The following KDM4C variants were observed in gnomAD, a reference collection of about 807,000 sequenced individuals.
The protein encoded by KDM4C is lysine-specific demethylase 4C.
Under a neutral mutation model 129.3 loss-of-function variants are expected in KDM4C, and 81 were observed. The ratio of observed to expected loss-of-function variants is 0.63; its 90% CI spans 0.52 to 0.75. The LOEUF (loss-of-function observed/expected upper bound fraction) is 0.75. KDM4C is among the 30% of genes least tolerant of loss of function. The pLI, the probability that KDM4C is intolerant of heterozygous loss-of-function variation, is 0.00. For missense variants in KDM4C, 1,457 were observed against 1,304.0 expected, an observed-to-expected ratio of 1.12 and a Z score of -1.81; for synonymous variants, 573 against 456.1, an observed-to-expected ratio of 1.26 and a Z score of -3.26.
chr9:6,760,211 G>T (rs989864850), intron 1 of KDM4C, among the ~76,000 whole-genome samples: 2 of 151,768 alleles, frequency 1.3e-5, no homozygotes, highest in Non-Finnish European at 2.9e-5. Flanking sequence ...TACACTATCT[G>T]GTCTTCTGTG....
rs556739506 is a variant in KDM4C at position 7,018,475 on chromosome 9, T to G, written c.2259+2546T>G. Among the ~76,000 whole-genome samples, 31 of 150,276 alleles carry G rather than the reference T, an allele frequency of 2.1e-4. No individual in the cohort carries two copies. In the South Asian group the frequency reaches 6.6e-3, roughly 32 times the overall value. On this transcript the variant is annotated intron_variant, in intron 15 of 21. Coordinates refer to ENST00000381309, the MANE Select transcript of KDM4C (RefSeq NM_015061.6). Reference sequence around the variant, plus strand: ...AAATATATCAAGCTCTTATTTATTATATAGGTCCTATTCCTAGTATATGAG... The same window carrying G: ...AAATATATCAAGCTCTTATTTATTAGATAGGTCCTATTCCTAGTATATGAG...
At chr9:6,960,589 TAGAA>T (rs1407765318) in intron 8 of KDM4C, among the ~76,000 whole-genome samples, 1 of 152,142 alleles carries the variant, frequency 6.6e-6, no homozygotes, top group Non-Finnish European at 1.5e-5. Flanking sequence ...AAGATTGTCA[TAGAA>T]AGTAGGAAAA....
intron 8 of KDM4C, among the ~76,000 whole-genome samples, chr9:6,942,142 G>A (rs190935042): frequency 6.6e-6 from 1 of 152,304 alleles, no homozygotes; most frequent in East Asian, 1.9e-4. Flanking sequence ...TTTGGGTGAA[G>A]TAGCAGAGCA....
chr9:6,830,598 T>C (rs1834653630), intron 4 of KDM4C, among the ~76,000 whole-genome samples: 1 of 152,270 alleles, frequency 6.6e-6, no homozygotes, highest in African/African-American at 2.4e-5. Context: ...AAAGTTTACT[T>C]TCCAAATGTC....
At chr9:6,781,959 G>A (rs1824439666) in intron 1 of KDM4C, among the ~76,000 whole-genome samples, 1 of 151,924 alleles carries the variant, frequency 6.6e-6, no homozygotes. Context: ...TCAGTAGCTG[G>A]GATTACGGGT....
At chr9:6,807,024 G>A (rs923593870) in intron 3 of KDM4C, among the ~76,000 whole-genome samples, 1 of 152,044 alleles carries the variant, frequency 6.6e-6, no homozygotes, top group Non-Finnish European at 1.5e-5. Context: ...TCAGTCTGCC[G>A]AATGCCTGCG....
chr9:6,786,552 C>T (rs1394667946), intron 1 of KDM4C, among the ~76,000 whole-genome samples: 2 of 152,166 alleles, frequency 1.3e-5, no homozygotes, highest in East Asian at 1.9e-4. Flanking sequence ...TTATCACCTT[C>T]AGCTAAAAAT....
intron 1 of KDM4C, among the ~76,000 whole-genome samples, chr9:6,739,604 A>G (rs893905066): frequency 2.0e-5 from 3 of 151,920 alleles, no homozygotes; most frequent in African/African-American, 7.2e-5. Context: ...CTAGATAGAT[A>G]GATATGAGTA....
At chr9:6,765,613 G>T (rs750028545) in intron 1 of KDM4C, among the ~76,000 whole-genome samples, 1 of 152,044 alleles carries the variant, frequency 6.6e-6, no homozygotes, top group Non-Finnish European at 1.5e-5. Flanking sequence ...GGTGCTCAAC[G>T]AACATTTATT....
intron 12 of KDM4C, among the ~76,000 whole-genome samples, chr9:6,993,474 A>C (rs1819121079): frequency 6.6e-6 from 1 of 152,198 alleles, no homozygotes; most frequent in Non-Finnish European, 1.5e-5. Flanking sequence ...GTTGAAACCT[A>C]GACTGATAAG....
chr9:7,167,649 T>G (rs1844526885), intron 20 of KDM4C, among the ~76,000 whole-genome samples: 1 of 152,232 alleles, frequency 6.6e-6, no homozygotes, highest in African/African-American at 2.4e-5. Flanking sequence ...TTCAAAATGC[T>G]AACAGTACGT....
At chr9:6,969,116 A>G (rs7031090) in intron 8 of KDM4C, among the ~76,000 whole-genome samples, 3,223 of 152,196 alleles carry the variant, frequency 0.021, 117 homozygotes, top group African/African-American at 0.072. Context: ...TTGTATTTGT[A>G]GCAGAGATGG....
intron 12 of KDM4C, among the ~76,000 whole-genome samples, chr9:6,994,243 AGG>A (rs1386187936): frequency 6.6e-6 from 1 of 152,130 alleles, no homozygotes; most frequent in African/African-American, 2.4e-5. Flanking sequence ...GTTTACTAAC[AGG>A]CCACGGACTG....
chr9:7,163,025 G>T (rs1157684681), intron 19 of KDM4C, among the ~76,000 whole-genome samples: 1 of 152,104 alleles, frequency 6.6e-6, no homozygotes, highest in African/African-American at 2.4e-5. Context: ...CCTGGAATTA[G>T]ACAGGCTTAC....
chr9:7,067,703 A>C (rs1047468294), intron 17 of KDM4C, among the ~76,000 whole-genome samples: 1 of 152,228 alleles, frequency 6.6e-6, no homozygotes, highest in Non-Finnish European at 1.5e-5. Context: ...AAATATTTTT[A>C]AAAACCGAAG....
chr9:7,040,298 CTTCCCTCCCTCCCTCT>C (rs1290074647), intron 15 of KDM4C, among the ~76,000 whole-genome samples: 10 of 148,638 alleles, frequency 6.7e-5, no homozygotes, highest in Non-Finnish European at 1.5e-4. Context: ...TTTCCCTTTC[CTTCCCTCCCTCCCTCT>C]GTCTCTCTTT....
intron 4 of KDM4C, among the ~76,000 whole-genome samples, chr9:6,844,738 AG>A (rs1333824864): frequency 1.2e-4 from 18 of 152,294 alleles, no homozygotes; most frequent in Non-Finnish European, 2.2e-4. Context: ...CCCAGGCTGA[AG>A]TGCAGTGGCA....
At chr9:6,869,232 C>G (rs1301306768) in intron 5 of KDM4C, among the ~76,000 whole-genome samples, 1 of 152,138 alleles carries the variant, frequency 6.6e-6, no homozygotes, top group Non-Finnish European at 1.5e-5. Context: ...TGGTTTTCAT[C>G]TGAATGTTAT....
rs1330184607 is a variant in KDM4C, at chr9:6,758,278, C to G, written c.-18+75C>G. The G allele has an allele frequency of 1.1e-6, 1 of 884,016 alleles. No individual in the cohort carries two copies. The highest frequency in any genetic ancestry group is 1.8e-5 in the African/African-American group (1 of 54,896). The allele number at this position is 884,016 out of a possible 1,614,324, so 54.8% of individuals were successfully genotyped here. A position where few individuals can be genotyped will look rare whatever the true frequency, so the allele number is the denominator to read the frequency against. On this transcript the variant is annotated intron_variant, in intron 1 of 21. Transcript: ENST00000381309. This position sits in a 1 kb window ranked among gnomAD's most constrained non-coding sequence, Gnocchi z 4.6. Reference sequence around the variant, plus strand: ...GAGGTCTTCCCGGCACTGCCCCCCTCCGCGTGGGGCACGGGGGTGCGGGCG... The same window carrying G: ...GAGGTCTTCCCGGCACTGCCCCCCTGCGCGTGGGGCACGGGGGTGCGGGCG...
Sources: allele counts gnomAD v4.1 joint callset (sites outside exome capture counted in the v4.1 genomes callset), GRCh38; gene constraint gnomAD v4.1.1; non-coding constraint Gnocchi (gnomAD v3.1); transcripts MANE v1.5; gene names NCBI Gene and HGNC (gene_info 2026-07-23, HGNC 2026-07-21).